Variants in CALCR observed in about 807,000 individuals in gnomAD.
CALCR encodes calcitonin receptor.
Under a neutral mutation model 59.5 loss-of-function variants are expected in CALCR, and 47 were observed. The observed-to-expected ratio is 0.79, with a 90% CI of 0.63 to 1.01. The LOEUF is 1.01. CALCR is among the 50% of genes least tolerant of loss of function. The pLI, the probability that CALCR is intolerant of heterozygous loss-of-function variation, is 0.00. For missense variants in CALCR, 566 were observed against 597.1 expected (o/e 0.95, Z 0.54); for synonymous variants, 213 against 211.3 (o/e 1.01, Z -0.07).
intron 2 of CALCR, 126 bp from the exon 3 acceptor site, chr7:93,487,133 C>T (rs1403255702): frequency 8.4e-5 from 48 of 574,846 alleles, no homozygotes; most frequent in African/African-American, 1.4e-4. Context: ...CTAAAAAACA[C>T]ACGTAAGAAA....
intron 8 of CALCR, among the ~76,000 whole-genome samples, chr7:93,456,868 T>C (rs1217625982): frequency 2.6e-5 from 4 of 152,120 alleles, no homozygotes; most frequent in African/African-American, 9.7e-5. Flanking sequence ...GAAGAAAGTT[T>C]CCTGTTAATT....
Position 93,517,700 on chromosome 7 carries a change from A to C in CALCR, c.-26-30693T>G, listed in dbSNP as rs116969429. 4.2e-3 allele frequency among the ~76,000 whole-genome samples: 636 copies of C among 152,108 alleles called. 2 individuals carry two copies. Among genetic ancestry groups the C allele is most frequent in the African/African-American group, 7.3e-3 (305 of 41,560 alleles). ...AAACACACTGAACTTCTTTGTGTAT[A>C]GTTACTGCGAAGACAGTGTGGCTCA... On this transcript the variant is annotated intron_variant, in intron 2 of 13. Transcript: ENST00000426151.
intron 8 of CALCR, 144 bp from the exon 9 acceptor site, chr7:93,443,901 G>A: frequency 1.5e-6 from 1 of 649,928 alleles, no homozygotes; most frequent in Non-Finnish European, 2.7e-6. Context: ...TGTGCCACCT[G>A]CTATACCCAC....
chr7:93,472,565 A>T, intron 5 of CALCR, 78 bp from the exon 6 acceptor site: 1 of 838,724 alleles, frequency 1.2e-6, no homozygotes, highest in Non-Finnish European at 2.0e-6. Context: ...AAAGCTTAAA[A>T]GCCATTCCAA....
At chr7:93,483,001 G>T in intron 3 of CALCR, 2 of 420,710 alleles carry the variant, frequency 4.8e-6, no homozygotes, top group South Asian at 3.5e-5. Context: ...ACCCATTGGG[G>T]CATTACGTTT....
chr7:93,559,690 G>A (rs1353520612), intron 2 of CALCR: 3 of 151,400 alleles, frequency 2.0e-5, no homozygotes, highest in Non-Finnish European at 2.9e-5. Context: ...AAATATTTCG[G>A]TCTTTGACCA....
At position 93,436,006 on chromosome 7, in the gene CALCR, G is replaced by C. The variant is rs748129422; in HGVS notation, c.1095C>G (p.Asn365Lys). Residue 365 changes from asparagine (N) to lysine (K), a missense_variant, in exon 12 of 14, where the codon AAC (asparagine) becomes AAG (lysine). Transcript: ENST00000426151. ...QFVVFPWRPS[N>K]KMLGKIYDYV... The stretch of plus-strand genomic sequence containing the variant: ...AATCATATATCTTCCCAAGCATCTT[G>C]TTGGAAGGTCTCCAGGGAAAGACGA... The C allele has an allele frequency of 6.2e-7, 1 of 1,613,486 alleles. No individual in the cohort carries two copies. The highest frequency in any genetic ancestry group is 8.5e-7 in the Non-Finnish European group (1 of 1,179,614).
intron 2 of CALCR, among the ~76,000 whole-genome samples, chr7:93,524,180 T>C (rs1801824899): frequency 6.6e-6 from 1 of 150,964 alleles, no homozygotes; most frequent in Non-Finnish European, 1.5e-5. Context: ...TTTTCTTTTT[T>C]TTTTTTTTGA....
At chr7:93,563,388 G>A (rs1170529536) in intron 2 of CALCR, among the ~76,000 whole-genome samples, 1 of 152,032 alleles carries the variant, frequency 6.6e-6, no homozygotes, top group African/African-American at 2.4e-5. Flanking sequence ...TCAATGTATG[G>A]TTTTGAAATT....
In CALCR at chr7:93,472,360, T is replaced by C; in HGVS notation, c.429+15A>G. ...GACATTCTCACTCAATACTGAAACG[T>C]GAAAAAGAACCTACCTTCAGTTTCT... On this transcript the variant is annotated intron_variant, in intron 6 of 13. Coordinates refer to ENST00000426151, the MANE Select transcript of CALCR (RefSeq NM_001742.4). The C allele has an allele frequency of 7.0e-7, 1 of 1,438,650 alleles. No homozygotes were observed. The highest frequency in any genetic ancestry group is 1.2e-5 in the South Asian group (1 of 85,750). The allele number at this position is 1,438,650 out of a possible 1,614,324, so 89.1% of individuals were successfully genotyped here. A position where few individuals can be genotyped will look rare whatever the true frequency, so the allele number is the denominator to read the frequency against.
intron 2 of CALCR, among the ~76,000 whole-genome samples, chr7:93,531,320 G>A (rs1027492736): frequency 4.6e-5 from 7 of 151,944 alleles, no homozygotes; most frequent in African/African-American, 7.2e-5. Context: ...TTATTGAGTC[G>A]GAACCTGGGC....
intron 3 of CALCR, among the ~76,000 whole-genome samples, chr7:93,484,684 A>G (rs1800900279): frequency 6.6e-6 from 1 of 151,790 alleles, no homozygotes. Context: ...AAACAACGAA[A>G]CTGCATATAT....
At position 93,470,258 on chromosome 7, in the gene CALCR, TAC is replaced by T. The variant is rs60525647; in HGVS notation, c.430-1454_430-1453del. Among the ~76,000 whole-genome samples, 745 of 147,624 alleles carry T rather than the reference TAC, an allele frequency of 5.0e-3. 12 individuals carry two copies. The highest frequency in any genetic ancestry group is 0.017 in the African/African-American group (674 of 40,572). ...TCTTGGGAGGGATTTAGGAATCTTA[TAC>T]ACACACACACACACACACACACACT... On this transcript the variant is annotated intron_variant, in intron 6 of 13. Transcript: ENST00000426151.
At chr7:93,454,898 CAGTG>C (rs141983137) in intron 8 of CALCR, among the ~76,000 whole-genome samples, 9,342 of 148,696 alleles carry the variant, frequency 0.063, 927 homozygotes, top group African/African-American at 0.21. Context: ...TCTCCACTGA[CAGTG>C]AGGACAGGGC....
At chr7:93,453,873 C>T (rs139642763) in intron 8 of CALCR, among the ~76,000 whole-genome samples, 1 of 152,086 alleles carries the variant, frequency 6.6e-6, no homozygotes, top group African/African-American at 2.4e-5. Flanking sequence ...TTTTCTGCAC[C>T]ATGTGACCTT....
At chr7:93,434,154 T>C (rs1161253755) in intron 13 of CALCR, 99 bp downstream of exon 13, 1 of 842,320 alleles carries the variant, frequency 1.2e-6, no homozygotes, top group Admixed American at 1.8e-5. Context: ...TGAGGTCAAC[T>C]GTAGAAGTGA....
chr7:93,504,019 C>A (rs1308226984), intron 2 of CALCR, among the ~76,000 whole-genome samples: 1 of 152,008 alleles, frequency 6.6e-6, no homozygotes, highest in Non-Finnish European at 1.5e-5. Flanking sequence ...TTAAGAGTGC[C>A]CTGGTGGTGA....
At chr7:93,541,994 GA>G (rs541179841) in intron 2 of CALCR, among the ~76,000 whole-genome samples, 1 of 151,810 alleles carries the variant, frequency 6.6e-6, no homozygotes, top group South Asian at 2.1e-4. Context: ...TGGAAAATTA[GA>G]AAAAAATACA....
chr7:93,432,398 C>A (rs1474676968), intron 13 of CALCR, among the ~76,000 whole-genome samples: 1 of 152,144 alleles, frequency 6.6e-6, no homozygotes, highest in East Asian at 1.9e-4. Flanking sequence ...TAAGGTGATG[C>A]ATTCGCAGAA....
Sources: allele counts gnomAD v4.1 joint callset (sites outside exome capture counted in the v4.1 genomes callset), GRCh38; gene constraint gnomAD v4.1.1; transcripts MANE v1.5; gene names NCBI Gene and HGNC (gene_info 2026-07-23, HGNC 2026-07-21).